The following ULK4 variants were observed in gnomAD, a reference collection of about 807,000 sequenced individuals.
ULK4 encodes the protein unc-51 like kinase 4, also known as inactive serine/threonine-protein kinase ULK4.
ULK4 carries 133 observed loss-of-function variants against 160.6 expected under a neutral mutation model. The observed-to-expected ratio is 0.83, with a 90% CI of 0.72 to 0.96. ULK4 has a LOEUF of 0.96. ULK4 is among the 40% of genes least tolerant of loss of function. The probability of loss-of-function intolerance (pLI) is 0.00; values close to 1 mark genes in which losing one functional copy is unlikely to be tolerated. For synonymous variants in ULK4, 534 were observed against 539.8 expected (o/e 0.99, Z 0.15); for missense variants, 1,580 against 1,499.5 (o/e 1.05, Z -0.89).
intron 4 of ULK4, among the ~76,000 whole-genome samples, chr3:41,934,766 G>A (rs778991363): frequency 6.6e-6 from 1 of 151,970 alleles, no homozygotes; most frequent in Non-Finnish European, 1.5e-5. Flanking sequence ...GAAAATATTT[G>A]ATCCATAATA....
chr3:41,295,192 G>GGCCCAGATCTGGAATATT (rs1268234841), intron 35 of ULK4, among the ~76,000 whole-genome samples: 6 of 75,816 alleles, frequency 7.9e-5, no homozygotes, highest in Admixed American at 3.3e-4. Flanking sequence ...GCAAAACAAT[G>GGCCCAGATCTGGAATATT]GAGCAAACAT....
chr3:41,305,853 G>A (rs199564685), intron 35 of ULK4, among the ~76,000 whole-genome samples: 2,947 of 145,092 alleles, frequency 0.02, 96 homozygotes, highest in African/African-American at 0.065. Flanking sequence ...TGAGATGTGG[G>A]GAGCGCCTCT....
chr3:41,789,661 C>T lies in ULK4; in HGVS notation c.2193G>A (p.Lys731=). 1 of 1,561,728 alleles carries T rather than the reference C, an allele frequency of 6.4e-7. No homozygotes were observed. The part of the protein sequence containing the change: ...GIHLQRLIQE[K]GFVSTIIRLL... Reference sequence around the variant, plus strand: ...GTAACAGGTAAAATCTAAGTCAAACCTTTTCTTGGATTAGTCTTTGAAGAT... The same window carrying T: ...GTAACAGGTAAAATCTAAGTCAAACTTTTTCTTGGATTAGTCTTTGAAGAT... Residue 731 remains lysine (K), a splice_region_variant and synonymous_variant, in exon 21 of 37, where the codon AAG becomes AAA. Coordinates refer to ENST00000301831, the MANE Select transcript of ULK4 (RefSeq NM_017886.4).
intron 30 of ULK4, among the ~76,000 whole-genome samples, chr3:41,660,922 A>T (rs1252878724): frequency 6.6e-6 from 1 of 152,204 alleles, no homozygotes; most frequent in African/African-American, 2.4e-5. Context: ...CAATATTCAA[A>T]CTGTATCTTG....
chr3:41,377,190 G>C (rs998798913), intron 35 of ULK4, among the ~76,000 whole-genome samples: 1 of 152,150 alleles, frequency 6.6e-6, no homozygotes, highest in African/African-American at 2.4e-5. Context: ...GCTGAAACTG[G>C]ATCCCTTCCT....
At chr3:41,393,585 G>A in intron 35 of ULK4, among the ~76,000 whole-genome samples, 1 of 152,148 alleles carries the variant, frequency 6.6e-6, no homozygotes, top group East Asian at 1.9e-4. Context: ...CCATAGCACT[G>A]ATTGGATTTT....
At chr3:41,292,055 G>A (rs568537099) in intron 35 of ULK4, among the ~76,000 whole-genome samples, 191 of 151,618 alleles carry the variant, frequency 1.3e-3, no homozygotes, top group Non-Finnish European at 2.0e-3. Flanking sequence ...GGATGGTCTC[G>A]ATCTCCTGAC....
chr3:41,282,900 A>C (rs2079386904), intron 35 of ULK4, among the ~76,000 whole-genome samples: 1 of 152,142 alleles, frequency 6.6e-6, no homozygotes, highest in Non-Finnish European at 1.5e-5. Flanking sequence ...CAATCTACCT[A>C]TCTGACAAAG....
At chr3:41,490,856 C>T (rs1044961503) in intron 32 of ULK4, among the ~76,000 whole-genome samples, 7 of 152,108 alleles carry the variant, frequency 4.6e-5, no homozygotes, top group Admixed American at 4.6e-4. Context: ...TGGACTACAT[C>T]TTCTAAATCA....
At chr3:41,839,598 A>G (rs559931709) in intron 17 of ULK4, among the ~76,000 whole-genome samples, 1 of 151,990 alleles carries the variant, frequency 6.6e-6, no homozygotes, top group South Asian at 2.1e-4. Context: ...AAAATGGACC[A>G]ACTCCTCAAA....
intron 35 of ULK4, among the ~76,000 whole-genome samples, chr3:41,322,204 G>C (rs2080260065): frequency 7.0e-6 from 1 of 142,588 alleles, no homozygotes; most frequent in East Asian, 2.0e-4. Context: ...GCTCCTTTTT[G>C]TAATTTTAGT....
At chr3:41,344,871 T>A (rs1228688219) in intron 35 of ULK4, among the ~76,000 whole-genome samples, 4 of 146,512 alleles carry the variant, frequency 2.7e-5, no homozygotes, top group South Asian at 2.2e-4. Flanking sequence ...GGGAAAAAAA[T>A]TTTTCAATGT....
chr3:41,728,610 A>C (rs1435624340), intron 22 of ULK4, among the ~76,000 whole-genome samples: 2 of 152,174 alleles, frequency 1.3e-5, no homozygotes, highest in African/African-American at 2.4e-5. Context: ...GATCACTCCA[A>C]GGACTGAGTC....
chr3:41,464,031 CA>C (rs1326510569), intron 32 of ULK4, among the ~76,000 whole-genome samples: 21 of 149,450 alleles, frequency 1.4e-4, no homozygotes, highest in Admixed American at 7.3e-4. Context: ...AGTGAATTTT[CA>C]AAGATAAATA....
intron 31 of ULK4, among the ~76,000 whole-genome samples, chr3:41,581,440 T>A (rs1220409842): frequency 6.6e-6 from 1 of 152,128 alleles, no homozygotes; most frequent in Non-Finnish European, 1.5e-5. Flanking sequence ...TATATACACA[T>A]AGATCTCCAA....
intron 7 of ULK4, among the ~76,000 whole-genome samples, chr3:41,918,219 A>C (rs539648790): frequency 6.6e-6 from 1 of 152,290 alleles, no homozygotes; most frequent in African/African-American, 2.4e-5. Context: ...ACTTTTTATG[A>C]TATAGATGCA....
intron 22 of ULK4, among the ~76,000 whole-genome samples, chr3:41,753,248 G>C (rs1355611521): frequency 2.0e-5 from 3 of 151,954 alleles, no homozygotes; most frequent in Non-Finnish European, 4.4e-5. Context: ...TTGTTGTCTT[G>C]TTTGTTATAT....
intron 21 of ULK4, chr3:41,766,696 A>G (rs2039172785): frequency 6.6e-6 from 1 of 152,208 alleles, no homozygotes. Context: ...TTTTAAGAGC[A>G]TGTTTGGAGA....
chr3:41,678,755 A>T (rs959323947), intron 29 of ULK4, among the ~76,000 whole-genome samples: 3 of 152,256 alleles, frequency 2.0e-5, no homozygotes, highest in African/African-American at 7.2e-5. Flanking sequence ...CCTTGGCTGC[A>T]TCAAAAGTAT....
Sources: gnomAD v4.1 joint callset for allele counts (sites outside exome capture counted in the v4.1 genomes callset) on GRCh38, gnomAD v4.1.1 for gene constraint, MANE v1.5 for transcripts, NCBI Gene and HGNC (gene_info 2026-07-23, HGNC 2026-07-21) for gene names.